Variants in PCBP3 observed in about 807,000 individuals in gnomAD.
The protein encoded by PCBP3 is poly(rC) binding protein 3, also known as poly(rC)-binding protein 3.
PCBP3 carries 25 observed loss-of-function variants against 52.7 expected under a neutral mutation model. The observed-to-expected ratio is 0.47, with a 90% CI of 0.35 to 0.66. The LOEUF is 0.66. Ranked by LOEUF, PCBP3 falls within the 30% of genes least tolerant of loss-of-function variation. The pLI, the probability that PCBP3 is intolerant of heterozygous loss-of-function variation, is 0.01. For synonymous variants in PCBP3, 162 were observed against 183.0 expected, an observed-to-expected ratio of 0.89 and a Z score of 0.93; for missense variants, 391 against 490.3, an observed-to-expected ratio of 0.80 and a Z score of 1.91.
chr21:45,767,804 G>GC (rs899268605), intron 4 of PCBP3, among the ~76,000 whole-genome samples: 3 of 152,246 alleles, frequency 2.0e-5, no homozygotes, highest in African/African-American at 7.2e-5. Flanking sequence ...CAGGCCCCAG[G>GC]CCCCTGCAGG....
At chr21:45,940,870 T>C (rs379501) in intron 17 of PCBP3, among the ~76,000 whole-genome samples, 46,282 of 145,896 alleles carry the variant, frequency 0.32, 7,568 homozygotes, top group African/African-American at 0.44. Context: ...ATCCGTCCTC[T>C]CTCCCCAAGG....
At position 45,737,783 on chromosome 21, in the gene PCBP3, T is replaced by G. The variant is rs1292766134; in HGVS notation, c.-162+2354T>G. On this transcript the variant is annotated intron_variant, in intron 3 of 17. Coordinates refer to ENST00000681687, the MANE Select transcript of PCBP3 (RefSeq NM_001384156.1). This position sits in a 1 kb window ranked among gnomAD's most constrained non-coding sequence, Gnocchi z 4.9. ...GAGGTGCCATGAGCACTGAGCTGGT[T>G]GGAACAGAAGGGCTCTCCTCTCGTG... is the stretch of plus-strand genomic sequence containing the variant. Among the ~76,000 whole-genome samples, 1 of 152,206 alleles carries G rather than the reference T, an allele frequency of 6.6e-6. No homozygotes were observed. Among genetic ancestry groups the G allele is most frequent in the East Asian group, 1.9e-4 (1 of 5,188 alleles).
At chr21:45,710,604 C>T (rs145742309) in intron 2 of PCBP3, among the ~76,000 whole-genome samples, 54 of 152,236 alleles carry the variant, frequency 3.5e-4, no homozygotes, top group African/African-American at 1.2e-3. Context: ...ATGTTTATTG[C>T]GGCACTATTC....
chr21:45,899,938 T>C (rs1452942479), intron 7 of PCBP3, among the ~76,000 whole-genome samples: 1 of 152,098 alleles, frequency 6.6e-6, no homozygotes, highest in East Asian at 1.9e-4. Flanking sequence ...TCTCACGCCT[T>C]CTTCAGCCGG....
intron 5 of PCBP3, among the ~76,000 whole-genome samples, chr21:45,881,802 A>T (rs368503155): frequency 1.3e-5 from 2 of 151,992 alleles, no homozygotes; most frequent in South Asian, 4.1e-4. Flanking sequence ...ATGTGAGATC[A>T]TGCAGTATTT....
chr21:45,919,087 A>C (rs1281383607), intron 13 of PCBP3: 2 of 152,002 alleles, frequency 1.3e-5, no homozygotes, highest in African/African-American at 4.9e-5. Context: ...TGACGGCCGC[A>C]CTGGCAGGCA....
At chr21:45,871,206 C>A (rs1464880976) in intron 5 of PCBP3, 2 of 167,664 alleles carry the variant, frequency 1.2e-5, no homozygotes, top group African/African-American at 2.4e-5. Flanking sequence ...ACAGGCACCC[C>A]CCAGGGAAGG....
At chr21:45,665,314 G>C (rs964219176) in intron 1 of PCBP3, among the ~76,000 whole-genome samples, 2 of 151,984 alleles carry the variant, frequency 1.3e-5, no homozygotes, top group African/African-American at 4.8e-5. Context: ...GGGCTGAGGT[G>C]GGAGAATCAC....
chr21:45,667,075 G>GTTCTTTCTTTCTTTCTTTCTTTCTTTCT (rs138226209), intron 1 of PCBP3, among the ~76,000 whole-genome samples: 26 of 147,668 alleles, frequency 1.8e-4, no homozygotes, highest in Middle Eastern at 3.5e-3. Context: ...GCATCTGTTT[G>GTTCTTTCTTTCTTTCTTTCTTTCTTTCT]TTCTTTCTTT....
intron 15 of PCBP3, among the ~76,000 whole-genome samples, chr21:45,934,170 G>A (rs2076631018): frequency 6.6e-6 from 1 of 152,148 alleles, no homozygotes; most frequent in African/African-American, 2.4e-5. Flanking sequence ...GCCTGCGATG[G>A]TTAGGAGGGG....
chr21:45,742,757 G>A (rs2086547372), intron 3 of PCBP3, among the ~76,000 whole-genome samples: 1 of 152,108 alleles, frequency 6.6e-6, no homozygotes, highest in South Asian at 2.1e-4. Context: ...AAAATATTGT[G>A]TATTTTAGTG....
intron 4 of PCBP3, among the ~76,000 whole-genome samples, chr21:45,801,732 G>A (rs2092311390): frequency 6.6e-6 from 1 of 152,196 alleles, no homozygotes; most frequent in Non-Finnish European, 1.5e-5. Context: ...AAGGAATTCT[G>A]GGCAGTATGT....
intron 5 of PCBP3, chr21:45,871,778 TCTCTC>T (rs2095035513): frequency 6.6e-6 from 1 of 152,252 alleles, no homozygotes; most frequent in Non-Finnish European, 1.5e-5. Context: ...CGGACTTGCC[TCTCTC>T]CTCAGAGCCC....
intron 9 of PCBP3, among the ~76,000 whole-genome samples, chr21:45,906,042 G>T (rs2096195511): frequency 6.6e-6 from 1 of 152,158 alleles, no homozygotes; most frequent in South Asian, 2.1e-4. Context: ...GGAGATTTAG[G>T]TCTTCTAAGT....
chr21:45,674,474 G>A (rs571093765), intron 2 of PCBP3, among the ~76,000 whole-genome samples: 3 of 152,272 alleles, frequency 2.0e-5, no homozygotes, highest in South Asian at 2.1e-4. Flanking sequence ...CAACAAACTG[G>A]ATTTCTCTGT....
chr21:45,932,266 C>G (rs112745722), intron 15 of PCBP3, among the ~76,000 whole-genome samples: 1 of 150,176 alleles, frequency 6.7e-6, no homozygotes, highest in Non-Finnish European at 1.5e-5. Flanking sequence ...TGGATGGACA[C>G]CTGGTCCATG....
intron 7 of PCBP3, among the ~76,000 whole-genome samples, 165 bp downstream of exon 7, chr21:45,899,787 T>G (rs144075487): frequency 2.2e-4 from 33 of 152,282 alleles, no homozygotes; most frequent in African/African-American, 7.9e-4. Context: ...GCCTTTATGC[T>G]GTATGACATT....
intron 4 of PCBP3, among the ~76,000 whole-genome samples, chr21:45,823,261 C>T (rs867590171): frequency 7.9e-5 from 12 of 152,186 alleles, no homozygotes; most frequent in South Asian, 4.1e-4. Flanking sequence ...TCCTCCCCAG[C>T]GCCCGCTGGC....
At chr21:45,824,854 G>A (rs1461865490) in intron 4 of PCBP3, among the ~76,000 whole-genome samples, 2 of 152,248 alleles carry the variant, frequency 1.3e-5, no homozygotes, top group African/African-American at 4.8e-5. Flanking sequence ...AAGCTGGCAG[G>A]ACATGGGGCC....
Sources: gnomAD v4.1 joint callset for allele counts (sites outside exome capture counted in the v4.1 genomes callset) on GRCh38, gnomAD v4.1.1 for gene constraint, Gnocchi (gnomAD v3.1) non-coding constraint, MANE v1.5 for transcripts, NCBI Gene and HGNC (gene_info 2026-07-23, HGNC 2026-07-21) for gene names.